MROH1: variants seen among roughly 807,000 people sequenced by gnomAD.
The protein encoded by MROH1 is maestro heat-like repeat-containing protein family member 1.
A neutral mutation model predicts 116.5 loss-of-function variants in MROH1; 117 were observed. That is an observed-to-expected ratio of 1.00 (90% CI 0.86 to 1.17). The LOEUF is 1.17. Ranked by LOEUF, MROH1 falls within the 50% of genes most tolerant of loss-of-function variation. The pLI, the probability that MROH1 is intolerant of heterozygous loss-of-function variation, is 0.00. For missense variants in MROH1, 1,873 were observed against 1,338.5 expected (o/e 1.40, Z -6.23); for synonymous variants, 921 against 583.9 (o/e 1.58, Z -8.32).
intron 17 of MROH1, 91 bp from the exon 18 acceptor site, chr8:144,239,523 C>T: frequency 1.3e-6 from 1 of 758,078 alleles, no homozygotes; most frequent in Non-Finnish European, 2.5e-6. Flanking sequence ...GAGCCAGGCT[C>T]CCCGTCGGGT....
chr8:144,252,113 T>A (rs1171634450), intron 33 of MROH1: 1 of 165,100 alleles, frequency 6.1e-6, no homozygotes, highest in Non-Finnish European at 1.3e-5. Context: ...TGTTTCTAGG[T>A]GATGGACATT....
rs996208918 is a variant in MROH1, at chr8:144,261,538, A to C, written c.4841-117A>C. On this transcript the variant is annotated intron_variant, in intron 43 of 43. Transcript: ENST00000326134. The stretch of plus-strand genomic sequence containing the variant: ...AAAAAACACTAAAAAAGGAAAAACG[A>C]TCTTTCCGTTGGCTCCTGAGCCTCC... 3 of 689,472 alleles carry C rather than the reference A, an allele frequency of 4.4e-6. No individual in the cohort carries two copies. In the East Asian group the frequency reaches 8.1e-5, roughly 19 times the overall value. 42.7% of individuals were successfully genotyped at this position (689,472 alleles called of 1,614,324 possible). A position where few individuals can be genotyped will look rare whatever the true frequency, so the allele number is the denominator to read the frequency against.
chr8:144,246,486 A>G (rs1841945709), intron 29 of MROH1, among the ~76,000 whole-genome samples: 1 of 152,096 alleles, frequency 6.6e-6, no homozygotes, highest in Admixed American at 6.6e-5. Context: ...TTCCCACCTC[A>G]TACTTTCATG....
intron 31 of MROH1, 23 bp from the exon 32 acceptor site, chr8:144,248,854 C>T (rs1375036124): frequency 7.7e-6 from 6 of 776,742 alleles, no homozygotes; most frequent in African/African-American, 1.7e-5. Flanking sequence ...TTCCCTCAAC[C>T]TCTGGCATCG....
chr8:144,188,485 T>C (rs1827768937), intron 7 of MROH1, among the ~76,000 whole-genome samples: 1 of 35,642 alleles, frequency 2.8e-5, no homozygotes, highest in Non-Finnish European at 4.9e-5. Context: ...TTTTTTTTTT[T>C]TTGAGACAAT....
chr8:144,234,508 T>TG (rs1839659699), intron 14 of MROH1, among the ~76,000 whole-genome samples: 1 of 60,372 alleles, frequency 1.7e-5, no homozygotes, highest in Non-Finnish European at 3.1e-5. Flanking sequence ...GTTTTTTTTT[T>TG]TTTTTTTTTT....
At chr8:144,175,193 C>G in intron 4 of MROH1, 1 of 979,816 alleles carries the variant, frequency 1.0e-6, no homozygotes, top group South Asian at 4.7e-5. Flanking sequence ...CGGATCTGGT[C>G]GAGTGGGTAT....
In MROH1 at chr8:144,259,175, G is replaced by A. The variant is rs1293543414; in HGVS notation, c.3930-65G>A. 1.8e-5 allele frequency: 13 copies of A among 704,280 alleles called. No individual in the cohort carries two copies. The East Asian group carries it at 3.2e-4, about 17-fold the overall frequency. The allele number at this position is 704,280 out of a possible 1,614,324, so 43.6% of individuals were successfully genotyped here. A position where few individuals can be genotyped will look rare whatever the true frequency, so the allele number is the denominator to read the frequency against. ...GAGCGGACCAGGGCTGTGCAGGGTG[G>A]AAGGTGCCTGGGTAGGGTTCAGCAC... On this transcript the variant is annotated intron_variant, in intron 36 of 43. Coordinates refer to ENST00000326134, the MANE Select transcript of MROH1 (RefSeq NM_032450.3).
intron 2 of MROH1, among the ~76,000 whole-genome samples, chr8:144,162,259 A>AT (rs1231751645): frequency 4.9e-5 from 7 of 141,974 alleles, no homozygotes; most frequent in South Asian, 2.2e-4. Flanking sequence ...TAATTTCTGT[A>AT]TTTTTTTAGT....
chr8:144,190,381 A>G (rs1044690809), intron 7 of MROH1, among the ~76,000 whole-genome samples: 1 of 152,142 alleles, frequency 6.6e-6, no homozygotes, highest in Non-Finnish European at 1.5e-5. Flanking sequence ...TTAGCCAAGT[A>G]TGATGGTACA....
intron 14 of MROH1, among the ~76,000 whole-genome samples, chr8:144,237,107 G>A (rs1292386695): frequency 2.0e-5 from 3 of 151,460 alleles, no homozygotes; most frequent in African/African-American, 4.9e-5. Flanking sequence ...GGGTTTCACC[G>A]TGTTGGCCAG....
chr8:144,254,508 G>C, intron 33 of MROH1: 1 of 331,820 alleles, frequency 3.0e-6, no homozygotes, highest in African/African-American at 2.2e-5. Flanking sequence ...GCTTCCTCCA[G>C]GGAAGATTTG....
At chr8:144,214,915 A>C (rs1165746935) in intron 12 of MROH1, among the ~76,000 whole-genome samples, 1 of 152,184 alleles carries the variant, frequency 6.6e-6, no homozygotes, top group Non-Finnish European at 1.5e-5. Context: ...AAGCACCTGG[A>C]GTCTGATGTT....
intron 14 of MROH1, among the ~76,000 whole-genome samples, chr8:144,226,359 C>T (rs190344025): frequency 7.9e-5 from 12 of 152,326 alleles, no homozygotes; most frequent in African/African-American, 2.9e-4. Context: ...GAAAATCAGG[C>T]AACTGTATGG....
At chr8:144,255,914 C>T (rs1427487154) in intron 35 of MROH1, among the ~76,000 whole-genome samples, 4 of 152,218 alleles carry the variant, frequency 2.6e-5, no homozygotes, top group Admixed American at 6.5e-5. Flanking sequence ...GCTGTGAAGG[C>T]CTCCCTCCTC....
At chr8:144,209,441 G>A (rs1252818951) in intron 12 of MROH1, among the ~76,000 whole-genome samples, 4 of 151,854 alleles carry the variant, frequency 2.6e-5, no homozygotes, top group African/African-American at 2.4e-5. Flanking sequence ...TTAGCTGGGC[G>A]TGGTGGCGGG....
rs559335416 is a variant in MROH1, at chr8:144,231,250, T to G, written c.1339-7506T>G. Among the ~76,000 whole-genome samples the G allele has an allele frequency of 1.7e-4, 26 of 152,002 alleles. No individual in the cohort carries two copies. In the East Asian group the frequency reaches 4.5e-3, roughly 26 times the overall value. The stretch of plus-strand genomic sequence containing the variant: ...GCAACCATCCGATTTCTCAATCTTT[T>G]CCCCACCTTTCCCGCCTTTCTATTC... On this transcript the variant is annotated intron_variant, in intron 14 of 43. Transcript: ENST00000326134.
intron 24 of MROH1, 107 bp downstream of exon 24, chr8:144,242,735 C>G: frequency 2.8e-6 from 2 of 706,688 alleles, no homozygotes; most frequent in East Asian, 2.7e-5. Flanking sequence ...TTGGAGCTTG[C>G]TGGGGCTTCC....
At chr8:144,160,936 G>T (rs1187095744) in intron 1 of MROH1, 34 bp from the exon 2 acceptor site, 2 of 152,656 alleles carry the variant, frequency 1.3e-5, no homozygotes, top group Non-Finnish European at 2.9e-5. Flanking sequence ...GCTGTCTCAG[G>T]TTCCTGGCAG....
Sources: allele counts gnomAD v4.1 joint callset (sites outside exome capture counted in the v4.1 genomes callset), GRCh38; gene constraint gnomAD v4.1.1; transcripts MANE v1.5; gene names NCBI Gene and HGNC (gene_info 2026-07-23, HGNC 2026-07-21).